FUT9: variants seen among roughly 807,000 people sequenced by gnomAD.
FUT9 encodes fucosyltransferase 9.
A neutral mutation model predicts 29.7 loss-of-function variants in FUT9; 15 were observed. That is an observed-to-expected ratio of 0.51 (90% CI 0.34 to 0.78). FUT9 has a LOEUF of 0.78. FUT9 is among the 30% of genes least tolerant of loss of function. The pLI, the probability that FUT9 is intolerant of heterozygous loss-of-function variation, is 0.01. For missense variants in FUT9, 319 were observed against 425.4 expected (o/e 0.75, Z 2.20); for synonymous variants, 169 against 153.7 (o/e 1.10, Z -0.74).
At chr6:96,022,747 G>T (rs1770096178) in intron 1 of FUT9, among the ~76,000 whole-genome samples, 1 of 151,916 alleles carries the variant, frequency 6.6e-6, no homozygotes, top group South Asian at 2.1e-4. Flanking sequence ...AATCTGAGTT[G>T]GTACACCCCA....
At chr6:96,170,882 A>G (rs1305088949) in intron 2 of FUT9, among the ~76,000 whole-genome samples, 2 of 152,202 alleles carry the variant, frequency 1.3e-5, no homozygotes, top group Admixed American at 1.3e-4. Context: ...GTTACTCATA[A>G]CAGTGATTTA....
chr6:96,205,863 GAA>G lies in FUT9; in HGVS notation c.*1629_*1630del, dbSNP rs1328578310. 1 of 166,966 alleles carries G rather than the reference GAA, an allele frequency of 6.0e-6. No homozygotes were observed. Among genetic ancestry groups the G allele is most frequent in the East Asian group, 1.9e-4 (1 of 5,198 alleles). 10.3% of individuals were successfully genotyped at this position (166,966 alleles called of 1,614,324 possible). A position where few individuals can be genotyped will look rare whatever the true frequency, so the allele number is the denominator to read the frequency against. ...CAGCTATCCAGACTATCTTGTGAGA[GAA>G]TAAGCTCACCCCAGCACCAGAAAGA... On this transcript the variant is annotated 3_prime_UTR_variant, in exon 3 of 3. Transcript: ENST00000302103.
chr6:96,168,041 G>A (rs1231566188), intron 2 of FUT9, among the ~76,000 whole-genome samples: 1 of 152,192 alleles, frequency 6.6e-6, no homozygotes, highest in Non-Finnish European at 1.5e-5. Context: ...TATATCCCAA[G>A]ATTATAGCTT....
At chr6:96,081,383 G>A (rs1371178747) in intron 1 of FUT9, among the ~76,000 whole-genome samples, 16 of 151,642 alleles carry the variant, frequency 1.1e-4, no homozygotes, top group Admixed American at 1.1e-3. Flanking sequence ...CTTAAATGAA[G>A]TAGTATTGTA....
chr6:96,097,586 G>A (rs926823727), intron 1 of FUT9, among the ~76,000 whole-genome samples: 3 of 150,958 alleles, frequency 2.0e-5, no homozygotes, highest in Non-Finnish European at 3.0e-5. Flanking sequence ...AGGTGAAAAC[G>A]TAAAAACTGT....
At position 96,213,890 on chromosome 6, in the gene FUT9, AT is replaced by A. The variant is rs891613512; in HGVS notation, c.*9657del. ...ATGACTATATTAAGGTTGTGTTTAT[AT>A]TAGGTGAAAAATTGCATGCAATTGG... On this transcript the variant is annotated 3_prime_UTR_variant, in exon 3 of 3. Transcript: ENST00000302103. 2 of 166,958 alleles carry A rather than the reference AT, an allele frequency of 1.2e-5. No homozygotes were observed. Among genetic ancestry groups the A allele is most frequent in the African/African-American group, 4.8e-5 (2 of 41,444 alleles). The allele number at this position is 166,958 out of a possible 1,614,324, so 10.3% of individuals were successfully genotyped here. A position where few individuals can be genotyped will look rare whatever the true frequency, so the allele number is the denominator to read the frequency against.
At chr6:96,190,094 C>T (rs1773477815) in intron 2 of FUT9, among the ~76,000 whole-genome samples, 1 of 152,126 alleles carries the variant, frequency 6.6e-6, no homozygotes, top group Non-Finnish European at 1.5e-5. Flanking sequence ...TCTTGTAGGG[C>T]AGGCCTGGTG....
chr6:96,093,244 G>T (rs1015064966), intron 1 of FUT9, among the ~76,000 whole-genome samples: 1 of 152,074 alleles, frequency 6.6e-6, no homozygotes, highest in African/African-American at 2.4e-5. Flanking sequence ...ACACATTAAA[G>T]GTGCCTACCA....
chr6:96,136,810 C>T (rs575227242), intron 2 of FUT9, among the ~76,000 whole-genome samples: 77 of 151,914 alleles, frequency 5.1e-4, no homozygotes, highest in African/African-American at 1.7e-3. Flanking sequence ...AAAATAATTG[C>T]GAGGCTACTC....
At chr6:96,090,402 C>T (rs1052141818) in intron 1 of FUT9, among the ~76,000 whole-genome samples, 4 of 151,532 alleles carry the variant, frequency 2.6e-5, no homozygotes, top group African/African-American at 9.7e-5. Context: ...TACTTATAGA[C>T]TACAATTTAT....
chr6:96,119,736 T>C lies in FUT9; in HGVS notation c.-9+5609T>C, dbSNP rs80052304. 4.8e-3 allele frequency among the ~76,000 whole-genome samples: 738 copies of C among 152,286 alleles called. 5 individuals are homozygous for C. Among genetic ancestry groups the C allele is most frequent in the African/African-American group, 0.017 (714 of 41,556 alleles). Reference sequence around the variant, plus strand: ...ATTTTTATAAGTAAGTGTGATCTCATAATCCACACAGTTTTAATATGAAGA... The same window carrying C: ...ATTTTTATAAGTAAGTGTGATCTCACAATCCACACAGTTTTAATATGAAGA... On this transcript the variant is annotated intron_variant, in intron 2 of 2. Transcript: ENST00000302103.
intron 1 of FUT9, among the ~76,000 whole-genome samples, chr6:96,028,148 A>G (rs1770199255): frequency 6.6e-6 from 1 of 151,640 alleles, no homozygotes; most frequent in African/African-American, 2.4e-5. Context: ...CAACAGAAAA[A>G]CAAAGAAATT....
At chr6:96,189,215 T>C (rs1248059664) in intron 2 of FUT9, among the ~76,000 whole-genome samples, 4 of 151,880 alleles carry the variant, frequency 2.6e-5, no homozygotes, top group Admixed American at 2.6e-4. Context: ...GGGAATCTGC[T>C]CCAGGGAGAG....
In FUT9 at chr6:96,205,765, A is replaced by G. The variant is rs1478706755; in HGVS notation, c.*1530A>G. 6.0e-6 allele frequency: 1 copy of G among 166,656 alleles called. No individual in the cohort carries two copies. The highest frequency in any genetic ancestry group is 1.5e-5 in the Non-Finnish European group (1 of 68,100). The allele number at this position is 166,656 out of a possible 1,614,324, so 10.3% of individuals were successfully genotyped here. A position where few individuals can be genotyped will look rare whatever the true frequency, so the allele number is the denominator to read the frequency against. ...TGTTCTGAGACATCCATTTGGGTCT[A>G]TTTGTGACTTATTCGTATTACAAAT... On this transcript the variant is annotated 3_prime_UTR_variant, in exon 3 of 3. Coordinates refer to ENST00000302103, the MANE Select transcript of FUT9 (RefSeq NM_006581.4).
At chr6:96,198,103 CT>C (rs1234754728) in intron 2 of FUT9, among the ~76,000 whole-genome samples, 2,966 of 150,356 alleles carry the variant, frequency 0.02, 85 homozygotes, top group African/African-American at 0.067. Context: ...GTAGAGTGTT[CT>C]TTTTTTTTCC....
At chr6:96,032,311 G>A (rs1582181760) in intron 1 of FUT9, among the ~76,000 whole-genome samples, 1 of 151,552 alleles carries the variant, frequency 6.6e-6, no homozygotes, top group South Asian at 2.1e-4. Flanking sequence ...ACTATGGAGA[G>A]ACTATGATAT....
chr6:96,185,822 A>C (rs1231811673), intron 2 of FUT9, among the ~76,000 whole-genome samples: 4 of 152,124 alleles, frequency 2.6e-5, no homozygotes, highest in Non-Finnish European at 5.9e-5. Flanking sequence ...CAACTTGGTA[A>C]ACTAAATATT....
At chr6:96,191,103 G>A (rs773143784) in intron 2 of FUT9, among the ~76,000 whole-genome samples, 8 of 152,040 alleles carry the variant, frequency 5.3e-5, no homozygotes, top group Non-Finnish European at 1.0e-4. Flanking sequence ...TGTCCTTTCT[G>A]TTCTCCTTCT....
intron 1 of FUT9, among the ~76,000 whole-genome samples, chr6:96,073,483 G>T (rs1771096560): frequency 6.6e-6 from 1 of 151,740 alleles, no homozygotes; most frequent in Non-Finnish European, 1.5e-5. Flanking sequence ...AAAGATAAAG[G>T]ATGGTATTAC....
Sources: allele counts gnomAD v4.1 joint callset (sites outside exome capture counted in the v4.1 genomes callset), GRCh38; gene constraint gnomAD v4.1.1; transcripts MANE v1.5; gene names NCBI Gene and HGNC (gene_info 2026-07-23, HGNC 2026-07-21).